The following TCEANC2 variants were observed in gnomAD, a reference collection of about 807,000 sequenced individuals.
The protein encoded by TCEANC2 is transcription elongation factor A N-terminal and central domain-containing protein 2.
In TCEANC2, 20 loss-of-function variants were observed where a neutral mutation model predicts 22.8. The observed-to-expected ratio is 0.88, with a 90% CI of 0.62 to 1.28. TCEANC2 has a LOEUF of 1.28. Among genes scored for constraint, TCEANC2 ranks in the 50% most tolerant of loss-of-function variants. The probability of loss-of-function intolerance (pLI) is 0.00; values close to 1 mark genes in which losing one functional copy is unlikely to be tolerated. For missense variants in TCEANC2, 251 were observed against 249.7 expected (o/e 1.01, Z -0.03); for synonymous variants, 84 against 95.5 (o/e 0.88, Z 0.70).
chr1:54,064,143 A>T (rs529783780), intron 2 of TCEANC2, among the ~76,000 whole-genome samples: 3 of 152,256 alleles, frequency 2.0e-5, no homozygotes, highest in Admixed American at 2.0e-4. Flanking sequence ...TACAAAGTCT[A>T]TAAGAAAATA....
At position 54,100,084 on chromosome 1, in the gene TCEANC2, C is replaced by A. The variant is rs1440280151; in HGVS notation, c.*3611C>A. 1.3e-5 allele frequency: 2 copies of A among 151,906 alleles called. No homozygotes were observed. The highest frequency in any genetic ancestry group is 1.3e-4 in the Admixed American group (2 of 15,234). The allele number at this position is 151,906 out of a possible 1,614,324, so 9.4% of individuals were successfully genotyped here. ...TGAAACCTTGCCTGTACTAAAAATA[C>A]AAAAATTAGCCAGATCTGGTGGCAG... On this transcript the variant is annotated 3_prime_UTR_variant, in exon 5 of 5. Transcript: ENST00000234827.
At chr1:54,108,070 T>G (rs1184674392), downstream of TCEANC2, among the ~76,000 whole-genome samples, 1 of 152,254 alleles carries the variant, frequency 6.6e-6, no homozygotes, top group Non-Finnish European at 1.5e-5. Flanking sequence ...GAGAACATCC[T>G]GTAAACATAA....
At chr1:54,065,475 G>A (rs1371635412) in intron 2 of TCEANC2, among the ~76,000 whole-genome samples, 7 of 151,986 alleles carry the variant, frequency 4.6e-5, no homozygotes, top group Admixed American at 4.6e-4. Context: ...CCCAGCACTT[G>A]GGGAGGCCAA....
chr1:54,064,562 T>C (rs1237049909), intron 2 of TCEANC2, among the ~76,000 whole-genome samples: 3 of 152,076 alleles, frequency 2.0e-5, no homozygotes, highest in Non-Finnish European at 4.4e-5. Context: ...GAGGCTGAAG[T>C]GAAGTTACAA....
At chr1:54,073,881 A>G (rs995117982) in intron 3 of TCEANC2, among the ~76,000 whole-genome samples, 1 of 152,214 alleles carries the variant, frequency 6.6e-6, no homozygotes, top group Non-Finnish European at 1.5e-5. Flanking sequence ...AATAAATCCA[A>G]AGGACTTGTA....
intron 3 of TCEANC2, among the ~76,000 whole-genome samples, chr1:54,071,654 A>G (rs934991027): frequency 6.6e-6 from 1 of 152,222 alleles, no homozygotes. Flanking sequence ...TTGGAAGGCA[A>G]CATAAGGGTA....
At chr1:54,077,710 T>A (rs1658167726) in intron 3 of TCEANC2, among the ~76,000 whole-genome samples, 1 of 152,140 alleles carries the variant, frequency 6.6e-6, no homozygotes, top group African/African-American at 2.4e-5. Flanking sequence ...TTTCAAGCAT[T>A]AGTGGCATAC....
rs889150334 is a variant in TCEANC2 at position 54,075,634 on chromosome 1, G to A, written c.244+6737G>A. Among the ~76,000 whole-genome samples the A allele has an allele frequency of 3.9e-5, 6 of 152,146 alleles. No individual in the cohort carries two copies. The East Asian group carries it at 9.6e-4, about 24-fold the overall frequency. The stretch of plus-strand genomic sequence containing the variant: ...AGTGTCCTGGGTTCAAATAAAGCTT[G>A]GAAAATGCCACATTACTATTTCCTC... On this transcript the variant is annotated intron_variant, in intron 3 of 4. Coordinates refer to ENST00000234827, the MANE Select transcript of TCEANC2 (RefSeq NM_153035.3).
chr1:54,103,006 T>C lies in TCEANC2; in HGVS notation c.*6533T>C, dbSNP rs1458903780. 1.3e-5 allele frequency: 2 copies of C among 152,328 alleles called. No individual in the cohort carries two copies. Among genetic ancestry groups the C allele is most frequent in the South Asian group, 2.1e-4 (1 of 4,828 alleles). 9.4% of individuals were successfully genotyped at this position (152,328 alleles called of 1,614,324 possible). A position where few individuals can be genotyped will look rare whatever the true frequency, so the allele number is the denominator to read the frequency against. ...GTAAGGGGTCTGAAAGGAATAAGAT[T>C]GGAAAATTGGAAACAAGGAGACCTG... is the stretch of plus-strand genomic sequence containing the variant. On this transcript the variant is annotated 3_prime_UTR_variant, in exon 5 of 5. Coordinates refer to ENST00000234827, the MANE Select transcript of TCEANC2 (RefSeq NM_153035.3).
In TCEANC2 at chr1:54,072,701, A is replaced by T. The variant is rs763263089; in HGVS notation, c.244+3804A>T. The stretch of plus-strand genomic sequence containing the variant: ...TGAGCCATCGGCCTTGGCCTCCCAA[A>T]GTGCTGGGATTACAGGTGTGAGCTA... On this transcript the variant is annotated intron_variant, in intron 3 of 4. Coordinates refer to ENST00000234827, the MANE Select transcript of TCEANC2 (RefSeq NM_153035.3). Among the ~76,000 whole-genome samples the T allele has an allele frequency of 4.6e-5, 7 of 152,258 alleles. No homozygotes were observed. The South Asian group carries it at 1.5e-3, about 32-fold the overall frequency.
chr1:54,064,769 G>A (rs761087014), intron 2 of TCEANC2, among the ~76,000 whole-genome samples: 66 of 147,218 alleles, frequency 4.5e-4, no homozygotes, highest in African/African-American at 1.6e-3. Context: ...GTGCGATCTC[G>A]GCTCACTGCA....
rs1658384612 is a variant in TCEANC2, at chr1:54,088,696, C to A, written c.344C>A (p.Ser115Ter). 1 of 1,610,986 alleles carries A rather than the reference C, an allele frequency of 6.2e-7. No individual in the cohort carries two copies. Among genetic ancestry groups the A allele is most frequent in the Non-Finnish European group, 8.5e-7 (1 of 1,179,024 alleles). The stretch of plus-strand genomic sequence containing the variant: ...TGGAAAACTTTCACTGAAAAACATT[C>A]AAATAGACCTTCTATTGAAGTTAGA... The part of the protein sequence containing the change: ...TEWKTFTEKH[S>*]NRPSIEVRSD... Residue 115 changes from serine to a stop codon, truncating the protein, a stop_gained, in exon 4 of 5, where the codon TCA becomes TAA. Coordinates refer to ENST00000234827, the MANE Select transcript of TCEANC2 (RefSeq NM_153035.3). LOFTEE classifies it high-confidence loss of function.
intron 1 of TCEANC2, 49 bp from the exon 2 acceptor site, chr1:54,054,327 AATATC>A (rs1299527498): frequency 2.6e-6 from 4 of 1,539,002 alleles, no homozygotes; most frequent in Non-Finnish European, 3.5e-6. Flanking sequence ...TTGGGGAAAA[AATATC>A]ATGGCAGTCT....
intron 2 of TCEANC2, among the ~76,000 whole-genome samples, chr1:54,055,335 G>C (rs140400708): frequency 1.1e-4 from 16 of 152,330 alleles, no homozygotes; most frequent in African/African-American, 3.6e-4. Context: ...AAGATGCAAA[G>C]AGTAGATACA....
At chr1:54,079,783 G>A (rs1008714486) in intron 3 of TCEANC2, among the ~76,000 whole-genome samples, 5 of 152,140 alleles carry the variant, frequency 3.3e-5, no homozygotes, top group Non-Finnish European at 7.4e-5. Context: ...AGATTCTGAG[G>A]ATTAGGGCAT....
intron 3 of TCEANC2, among the ~76,000 whole-genome samples, chr1:54,084,290 G>C (rs372128663): frequency 6.6e-6 from 1 of 152,172 alleles, no homozygotes; most frequent in Non-Finnish European, 1.5e-5. Context: ...TGGGGTTACA[G>C]ACGCTAGCTG....
Position 54,068,743 on chromosome 1 carries a change from T to G in TCEANC2, c.103-13T>G, listed in dbSNP as rs759316399. The G allele has an allele frequency of 6.3e-7, 1 of 1,583,282 alleles. No individual in the cohort carries two copies. The highest frequency in any genetic ancestry group is 8.5e-7 in the Non-Finnish European group (1 of 1,170,756). The stretch of plus-strand genomic sequence containing the variant: ...AAATGTTCCATTTTCCAAATGACTT[T>G]TCTTTTTCCCAGAGAGTTGTGGTTG... On this transcript the variant is annotated splice_polypyrimidine_tract_variant and intron_variant, in intron 2 of 4. Transcript: ENST00000234827.
In TCEANC2 at chr1:54,103,054, C is replaced by T. The variant is rs1271783548; in HGVS notation, c.*6581C>T. The T allele has an allele frequency of 6.6e-6, 1 of 152,238 alleles. No individual in the cohort carries two copies. The highest frequency in any genetic ancestry group is 1.5e-5 in the Non-Finnish European group (1 of 68,070). The allele number at this position is 152,238 out of a possible 1,614,324, so 9.4% of individuals were successfully genotyped here. A position where few individuals can be genotyped will look rare whatever the true frequency, so the allele number is the denominator to read the frequency against. Reference sequence around the variant, plus strand: ...CTGTGGTGGAGGCATGTAGTTGGACCTATAGGAGTGGGCACCAAGTGTGAA... The same window carrying T: ...CTGTGGTGGAGGCATGTAGTTGGACTTATAGGAGTGGGCACCAAGTGTGAA... On this transcript the variant is annotated 3_prime_UTR_variant, in exon 5 of 5. Coordinates refer to ENST00000234827, the MANE Select transcript of TCEANC2 (RefSeq NM_153035.3).
At chr1:54,111,198 T>C (rs1220254610) in exon 5 of TCEANC2, 3 of 152,264 alleles carry the variant, frequency 2.0e-5, no homozygotes, top group African/African-American at 4.8e-5. Flanking sequence ...TGGCCTCTGA[T>C]AGTCCACGCA....
Sources: allele counts gnomAD v4.1 joint callset (sites outside exome capture counted in the v4.1 genomes callset), GRCh38; gene constraint gnomAD v4.1.1; transcripts MANE v1.5; gene names NCBI Gene and HGNC (gene_info 2026-07-23, HGNC 2026-07-21).